Variants in TENM2 observed in about 807,000 individuals in gnomAD.
TENM2 encodes the protein teneurin transmembrane protein 2.
In TENM2, 52 loss-of-function variants were observed where a neutral mutation model predicts 245.2. The observed-to-expected ratio is 0.21, with a 90% CI of 0.17 to 0.27. The LOEUF (loss-of-function observed/expected upper bound fraction) is 0.27. Among genes scored for constraint, TENM2 ranks in the 10% least tolerant of loss-of-function variants. The probability of loss-of-function intolerance (pLI) is 1.00; values close to 1 mark genes in which losing one functional copy is unlikely to be tolerated. For synonymous variants in TENM2, 1,363 were observed against 1,438.9 expected, an observed-to-expected ratio of 0.95 and a Z score of 1.19; for missense variants, 3,046 against 3,666.8, an observed-to-expected ratio of 0.83 and a Z score of 4.37.
chr5:167,926,962 T>C (rs1777817264), intron 3 of TENM2, among the ~76,000 whole-genome samples: 1 of 152,166 alleles, frequency 6.6e-6, no homozygotes, highest in African/African-American at 2.4e-5. Context: ...AAACTTTAAT[T>C]AAAACACAAC....
the TENM2 span, among the ~76,000 whole-genome samples, chr5:167,158,732 C>T: frequency 6.6e-6 from 1 of 152,108 alleles, no homozygotes; most frequent in African/African-American, 2.4e-5. Flanking sequence ...TATGAGGTCT[C>T]CACCATCATG....
intron 2 of TENM2, among the ~76,000 whole-genome samples, chr5:167,626,037 C>A (rs1778478971): frequency 6.6e-6 from 1 of 152,134 alleles, no homozygotes; most frequent in Admixed American, 6.5e-5. Flanking sequence ...ACCAATATTT[C>A]TTCCACATTC....
chr5:168,041,956 G>A (rs1429538658), intron 5 of TENM2, among the ~76,000 whole-genome samples: 1 of 152,246 alleles, frequency 6.6e-6, no homozygotes, highest in Admixed American at 6.5e-5. Context: ...TTCAGGGTAA[G>A]CAGTTGTGCA....
chr5:167,640,860 C>CATATATATATAT lies in TENM2; in HGVS notation c.503-235091_503-235080dup, dbSNP rs58985992. Among the ~76,000 whole-genome samples the CATATATATATAT allele has an allele frequency of 4.0e-3, 191 of 47,354 alleles. 15 individuals are homozygous for CATATATATATAT. The highest frequency in any genetic ancestry group is 8.2e-3 in the Non-Finnish European group (128 of 15,544). 31.1% of individuals were successfully genotyped at this position (47,354 alleles called of 152,430 possible). On this transcript the variant is annotated intron_variant, in intron 2 of 28. Transcript: ENST00000518659. ...ATATATCCATATATATATATATATC[C>CATATATATATAT]ATATATATATATATATATATATATA...
At position 168,171,157 on chromosome 5, in the gene TENM2, C is replaced by T. The variant is rs570507511; in HGVS notation, c.2569+8400C>T. Among the ~76,000 whole-genome samples the T allele has an allele frequency of 9.8e-5, 15 of 152,368 alleles. No individual in the cohort carries two copies. The East Asian group carries it at 2.9e-3, about 29-fold the overall frequency. ...TCAGAAGGACTTATTACGAAGTCTT[C>T]CTCTGTGTCTCTCCCATCAACCATT... On this transcript the variant is annotated intron_variant, in intron 13 of 28. Transcript: ENST00000518659.
At chr5:167,911,405 T>TA (rs1776540778) in intron 3 of TENM2, among the ~76,000 whole-genome samples, 1 of 152,160 alleles carries the variant, frequency 6.6e-6, no homozygotes, top group Admixed American at 6.5e-5. Flanking sequence ...CGGGCGCCTG[T>TA]AGTCCCAGCT....
chr5:167,693,531 A>G (rs1325929602), intron 2 of TENM2, among the ~76,000 whole-genome samples: 1 of 151,758 alleles, frequency 6.6e-6, no homozygotes, highest in Non-Finnish European at 1.5e-5. Flanking sequence ...GTCTCATTGG[A>G]TAAACTTAGG....
intron 2 of TENM2, among the ~76,000 whole-genome samples, chr5:167,380,699 T>C (rs528312679): frequency 1.3e-5 from 2 of 152,268 alleles, no homozygotes; most frequent in South Asian, 4.1e-4. Context: ...CTCCAGGCCT[T>C]CAGGGACACA....
At chr5:167,153,681 A>G in the TENM2 span, among the ~76,000 whole-genome samples, 2 of 151,910 alleles carry the variant, frequency 1.3e-5, no homozygotes, top group Non-Finnish European at 2.9e-5. Context: ...ATATATATAT[A>G]TACACACACA....
chr5:167,358,456 T>A (rs1445360512), intron 1 of TENM2, among the ~76,000 whole-genome samples: 1 of 111,636 alleles, frequency 9.0e-6, no homozygotes, highest in Non-Finnish European at 1.8e-5. Context: ...ACTGCACAGG[T>A]CACTCCTTTC....
intron 2 of TENM2, among the ~76,000 whole-genome samples, chr5:167,818,420 A>G (rs1051295826): frequency 9.2e-5 from 14 of 152,194 alleles, no homozygotes; most frequent in African/African-American, 3.4e-4. Context: ...GAAAATTTAT[A>G]ATAGCTGAGG....
intron 2 of TENM2, among the ~76,000 whole-genome samples, chr5:167,655,724 A>T (rs1329377376): frequency 2.0e-5 from 3 of 152,242 alleles, no homozygotes; most frequent in Non-Finnish European, 4.4e-5. Context: ...CTATTTGGCT[A>T]ATCAAAGTAT....
the TENM2 span, among the ~76,000 whole-genome samples, chr5:167,221,278 G>C: frequency 6.6e-6 from 1 of 152,310 alleles, no homozygotes; most frequent in Admixed American, 6.5e-5. Context: ...TAAATGGTAA[G>C]CATGTGGTGA....
intron 2 of TENM2, among the ~76,000 whole-genome samples, chr5:167,831,949 G>A (rs559641787): frequency 6.6e-6 from 1 of 150,932 alleles, no homozygotes; most frequent in East Asian, 2.0e-4. Context: ...ATTTTTATGT[G>A]TGTAGGAATG....
intron 13 of TENM2, among the ~76,000 whole-genome samples, chr5:168,163,263 C>T (rs914462866): frequency 2.0e-5 from 3 of 152,220 alleles, no homozygotes; most frequent in African/African-American, 4.8e-5. Context: ...CCAAACCCAG[C>T]TGTGGCTCCA....
chr5:167,104,822 T>G, the TENM2 span, among the ~76,000 whole-genome samples: 1 of 152,116 alleles, frequency 6.6e-6, no homozygotes, highest in Non-Finnish European at 1.5e-5. Context: ...ATTTAAAAAA[T>G]ATATGGAATC....
At chr5:167,024,102 A>G in the TENM2 span, among the ~76,000 whole-genome samples, 1 of 152,184 alleles carries the variant, frequency 6.6e-6, no homozygotes, top group Admixed American at 6.5e-5. Flanking sequence ...AAATAAGGTA[A>G]TAGGCTATTC....
chr5:167,875,988 C>G, exon 3 of TENM2: 1 of 1,550,446 alleles, frequency 6.4e-7, no homozygotes, highest in Non-Finnish European at 8.7e-7. Flanking sequence ...TTTCCCAGGT[C>G]GTCCCATTCC....
At chr5:168,105,321 G>C (rs1794155589) in intron 9 of TENM2, among the ~76,000 whole-genome samples, 1 of 152,182 alleles carries the variant, frequency 6.6e-6, no homozygotes, top group South Asian at 2.1e-4. Flanking sequence ...CTGAGAGAAA[G>C]TGAGAGCTGG....
Sources: allele counts gnomAD v4.1 joint callset (sites outside exome capture counted in the v4.1 genomes callset), GRCh38; gene constraint gnomAD v4.1.1; transcripts MANE v1.5; gene names NCBI Gene and HGNC (gene_info 2026-07-23, HGNC 2026-07-21).